MYH15: variants seen among roughly 807,000 people sequenced by gnomAD.
MYH15 encodes myosin-15.
A neutral mutation model predicts 240.5 loss-of-function variants in MYH15; 227 were observed. The observed-to-expected ratio is 0.94, with a 90% CI of 0.85 to 1.05. The LOEUF (loss-of-function observed/expected upper bound fraction) is 1.05, where lower values mean the gene tolerates loss of function less well. Among genes scored for constraint, MYH15 ranks in the 50% least tolerant of loss-of-function variants. The pLI is 0.00. For synonymous variants in MYH15, 785 were observed against 796.7 expected (o/e 0.99, Z 0.25); for missense variants, 2,217 against 2,247.5 (o/e 0.99, Z 0.27).
chr3:108,510,504 G>A lies in MYH15; in HGVS notation c.27C>T (p.Ala9=), dbSNP rs756712911. ...CTTCACTTCTTCTGAGGAAGGCTGC[G>A]GCTTCTCCAAGGTCTGACAGATCCA... is the stretch of plus-strand genomic sequence containing the variant. MDLSDLGE[A]AAFLRRSEAE... is the part of the protein sequence containing the mutation. The change falls in exon 1 of 41, where the codon GCC becomes GCT. Residue 9 remains alanine, a synonymous_variant. Coordinates refer to ENST00000693548, the MANE Select transcript of MYH15 (RefSeq NM_014981.3). 1.4e-5 allele frequency: 23 copies of A among 1,613,244 alleles called. No individual in the cohort carries two copies. The highest frequency in any genetic ancestry group is 4.0e-5 in the African/African-American group (3 of 74,792).
chr3:108,487,298 T>C (rs181910678), intron 9 of MYH15, among the ~76,000 whole-genome samples: 148 of 152,320 alleles, frequency 9.7e-4, no homozygotes, highest in African/African-American at 3.4e-3. Flanking sequence ...AAATCGGTTA[T>C]CTTGAACTCC....
At chr3:108,409,103 G>A (rs749959284) in intron 31 of MYH15, among the ~76,000 whole-genome samples, 25 of 152,176 alleles carry the variant, frequency 1.6e-4, no homozygotes, top group Non-Finnish European at 2.9e-4. Flanking sequence ...GTTCAGAGGT[G>A]GTGGAAGGAG....
intron 11 of MYH15, among the ~76,000 whole-genome samples, chr3:108,481,691 A>AGGGAAATGAGAGAC (rs1465703915): frequency 1.3e-5 from 2 of 152,188 alleles, no homozygotes; most frequent in African/African-American, 4.8e-5. Flanking sequence ...ATGTGAGTGG[A>AGGGAAATGAGAGAC]GGGAAATGAG....
Position 108,464,754 on chromosome 3 carries a change from T to C in MYH15, c.1615A>G (p.Thr539Ala). ...ECMFPKATDL[T>A]FKTKLFDNHF... is the part of the protein sequence containing the mutation. ...TTGTCAAAGAGTTTGGTCTTGAAAG[T>C]CAGGTCTGTAGCCTTAGGAAACATA... The change falls in exon 15 of 41, where the codon ACT becomes GCT. Residue 539 changes from threonine (T) to alanine (A), a missense_variant. Thr to Ala is a moderately conservative substitution (Grantham distance 58, BLOSUM62 0). Transcript: ENST00000693548. 1 of 1,613,958 alleles carries C rather than the reference T, an allele frequency of 6.2e-7. No individual in the cohort carries two copies. Among genetic ancestry groups the C allele is most frequent in the East Asian group, 2.2e-5 (1 of 44,874 alleles).
chr3:108,479,757 A>T (rs2107592681), intron 11 of MYH15, among the ~76,000 whole-genome samples: 1 of 151,276 alleles, frequency 6.6e-6, no homozygotes, highest in East Asian at 1.9e-4. Context: ...GAAAACAGGT[A>T]AAAAGGTAGA....
In MYH15 at chr3:108,381,531, C is replaced by G; in HGVS notation, c.*14G>C. The G allele has an allele frequency of 6.2e-7, 1 of 1,613,690 alleles. No homozygotes were observed. The highest frequency in any genetic ancestry group is 8.5e-7 in the Non-Finnish European group (1 of 1,179,610). ...TGTACTTCTCCAGCTGTTGTCCTTT[C>G]AAAGCAGGGGATGCTATTCTTCTTG... is the stretch of plus-strand genomic sequence containing the variant. On this transcript the variant is annotated 3_prime_UTR_variant, in exon 41 of 41. Transcript: ENST00000693548.
chr3:108,491,376 C>T (rs2083346484), intron 9 of MYH15, among the ~76,000 whole-genome samples: 1 of 152,062 alleles, frequency 6.6e-6, no homozygotes, highest in African/African-American at 2.4e-5. Context: ...TCCCTTATTC[C>T]ACATTTTTTT....
intron 1 of MYH15, among the ~76,000 whole-genome samples, chr3:108,520,051 T>C (rs988166258): frequency 6.6e-6 from 1 of 152,170 alleles, no homozygotes; most frequent in Non-Finnish European, 1.5e-5. Context: ...GAACATTCAA[T>C]AAGTGCCAAG....
chr3:108,492,113 A>C (rs1169357930), intron 9 of MYH15, among the ~76,000 whole-genome samples: 1 of 151,616 alleles, frequency 6.6e-6, no homozygotes, highest in East Asian at 1.9e-4. Context: ...CCCATTGACC[A>C]CCACACACTA....
chr3:108,421,205 C>T lies in MYH15; in HGVS notation c.3712G>A (p.Glu1238Lys). ...TCTTCATATAGAGTACAGAGTTTCT[C>T]AGCATTTGCCTATAAGTTGAGAAAG... The part of the protein sequence containing the change: ...EQMTRAKANA[E>K]KLCTLYEERL... Residue 1238 changes from glutamate (E) to lysine (K), a missense_variant, in exon 28 of 41, where the codon GAG (glutamate) becomes AAG (lysine). Physicochemically the swap from Glu to Lys is moderately conservative, Grantham distance 56 (BLOSUM62 1). Transcript: ENST00000693548. 6.2e-7 allele frequency: 1 copy of T among 1,612,438 alleles called. No individual in the cohort carries two copies. The highest frequency in any genetic ancestry group is 8.5e-7 in the Non-Finnish European group (1 of 1,179,844).
At chr3:108,466,985 A>C (rs2083124312) in intron 14 of MYH15, among the ~76,000 whole-genome samples, 1 of 152,140 alleles carries the variant, frequency 6.6e-6, no homozygotes, top group Non-Finnish European at 1.5e-5. Flanking sequence ...AAAAAATAAA[A>C]GCCTCTGTTT....
chr3:108,469,652 G>A (rs2083153981), intron 14 of MYH15, among the ~76,000 whole-genome samples: 1 of 152,194 alleles, frequency 6.6e-6, no homozygotes, highest in African/African-American at 2.4e-5. Context: ...GCCAAATTTT[G>A]TTAAGCTGCT....
chr3:108,534,097 AATCT>A (rs1196152352), upstream of MYH15, among the ~76,000 whole-genome samples: 2 of 152,182 alleles, frequency 1.3e-5, no homozygotes, highest in Non-Finnish European at 2.9e-5. Context: ...TCTTGTCATT[AATCT>A]AAGGAGTCCT....
Position 108,405,397 on chromosome 3 carries a change from T to G in MYH15, c.4677A>C (p.Glu1559Asp), listed in dbSNP as rs778768191. The G allele has an allele frequency of 3.3e-5, 50 of 1,527,582 alleles. No homozygotes were observed. Among genetic ancestry groups the G allele is most frequent in the Non-Finnish European group, 4.5e-5 (50 of 1,123,272 alleles). 94.6% of individuals were successfully genotyped at this position (1,527,582 alleles called of 1,614,324 possible). A position where few individuals can be genotyped will look rare whatever the true frequency, so the allele number is the denominator to read the frequency against. Residue 1559 changes from glutamate (E) to aspartate (D), a missense_variant, in exon 33 of 41, where the codon GAA becomes GAC. Coordinates refer to ENST00000693548, the MANE Select transcript of MYH15 (RefSeq NM_014981.3). ...GCTTTCTTTCAAGTTCTGCTTTAGC[T>G]TCCAAGAGTTCAAGCTGGAAATGAA... The part of the protein sequence containing the change: ...KILHFQLELL[E>D]AKAELERKLS...
intron 11 of MYH15, among the ~76,000 whole-genome samples, chr3:108,479,631 C>G (rs1230997803): frequency 6.6e-6 from 1 of 152,146 alleles, no homozygotes; most frequent in Non-Finnish European, 1.5e-5. Context: ...TAAAAGTTCC[C>G]CAGCGATTCT....
intron 34 of MYH15, 24 bp from the exon 35 acceptor site, chr3:108,398,864 G>A: frequency 1.2e-6 from 2 of 1,604,900 alleles, no homozygotes; most frequent in South Asian, 1.1e-5. Context: ...GATGGGTCTG[G>A]AGTACAGATC....
At chr3:108,476,327 T>C in intron 12 of MYH15, 70 bp downstream of exon 12, 1 of 972,892 alleles carries the variant, frequency 1.0e-6, no homozygotes, top group Non-Finnish European at 1.6e-6. Context: ...AGTTGAAAAA[T>C]ATACAGTACA....
In MYH15 at chr3:108,438,871, TGTGTGG is replaced by T; in HGVS notation, c.3075+860_3075+865del. ...AGGAGAGAATAAGTGTGTGGGTGGG[TGTGTGG>T]GTGTGGGTAGGTGTGTGTGATGTGC... On this transcript the variant is annotated intron_variant, in intron 24 of 40. Transcript: ENST00000693548. 3.3e-5 allele frequency among the ~76,000 whole-genome samples: 5 copies of T among 152,150 alleles called. 1 individual carries two copies. Among genetic ancestry groups the T allele is most frequent in the Admixed American group, 3.3e-4 (5 of 15,278 alleles).
chr3:108,388,620 G>A (rs1338241218), intron 38 of MYH15, among the ~76,000 whole-genome samples: 2 of 152,164 alleles, frequency 1.3e-5, no homozygotes, highest in African/African-American at 4.8e-5. Context: ...CCGAGCCTCT[G>A]CCATTAACTT....
Sources: gnomAD v4.1 joint callset for allele counts (sites outside exome capture counted in the v4.1 genomes callset) on GRCh38, gnomAD v4.1.1 for gene constraint, MANE v1.5 for transcripts, NCBI Gene and HGNC (gene_info 2026-07-23, HGNC 2026-07-21) for gene names.